The following CELF2 variants were observed in gnomAD, a reference collection of about 807,000 sequenced individuals.
CELF2 encodes the protein CUG triplet repeat RNA-binding protein 2.
Under a neutral mutation model 62.6 loss-of-function variants are expected in CELF2, and 8 were observed. The ratio of observed to expected loss-of-function variants is 0.13; its 90% CI spans 0.07 to 0.23. The LOEUF (loss-of-function observed/expected upper bound fraction) is 0.23, where lower values mean the gene tolerates loss of function less well. Ranked by LOEUF, CELF2 falls within the 10% of genes least tolerant of loss-of-function variation. The probability of loss-of-function intolerance (pLI) is 1.00; values close to 1 mark genes in which losing one functional copy is unlikely to be tolerated. For synonymous variants in CELF2, 258 were observed against 250.0 expected (o/e 1.03, Z -0.30); for missense variants, 333 against 671.0 (o/e 0.50, Z 5.56).
At chr10:10,955,976 C>A (rs780968687) in intron 2 of CELF2, among the ~76,000 whole-genome samples, 10 of 152,152 alleles carry the variant, frequency 6.6e-5, no homozygotes, top group Non-Finnish European at 1.3e-4. Context: ...TCGATCACTG[C>A]AAATCAAGTC....
rs1293586383 is a variant in CELF2, at chr10:11,145,101, CTGTT to C, written c.75-20380_75-20377del. Among the ~76,000 whole-genome samples the C allele has an allele frequency of 1.3e-5, 2 of 152,142 alleles. No individual in the cohort carries two copies. The highest frequency in any genetic ancestry group is 1.9e-4 in the East Asian group (1 of 5,196). ...CTGTAATGCAGTAGCCAAAGGTAATCTGTTTGTTATGTACTTTCCTTTATTATCC... is the reference window on the plus strand; with the variant it reads ...CTGTAATGCAGTAGCCAAAGGTAATCTGTTATGTACTTTCCTTTATTATCC... On this transcript the variant is annotated intron_variant, in intron 1 of 12. Transcript: ENST00000633077. The surrounding 1 kb of genome is among the most constrained non-coding windows in gnomAD (Gnocchi z 4.3).
the CELF2 span, among the ~76,000 whole-genome samples, chr10:10,583,124 C>G: frequency 6.6e-6 from 1 of 152,112 alleles, no homozygotes; most frequent in East Asian, 1.9e-4. Context: ...TATTCGAAGG[C>G]CTTGCAGTGC....
At chr10:11,005,094 G>C (rs1163231641), upstream of CELF2, 2 of 985,236 alleles carry the variant, frequency 2.0e-6, no homozygotes, top group Non-Finnish European at 2.4e-6. The surrounding 1 kb of genome is among the most constrained non-coding windows in gnomAD (Gnocchi z 4.3). Flanking sequence ...AGTGAATGCA[G>C]ACAAGACCCC....
At chr10:10,631,109 G>A in the CELF2 span, among the ~76,000 whole-genome samples, 2 of 152,084 alleles carry the variant, frequency 1.3e-5, no homozygotes, top group South Asian at 2.1e-4. Context: ...TCATTCAAAC[G>A]TACTGATCAT....
At chr10:10,805,224 A>C (rs1383883468) in intron 1 of CELF2, among the ~76,000 whole-genome samples, 2 of 152,200 alleles carry the variant, frequency 1.3e-5, no homozygotes, top group Non-Finnish European at 2.9e-5. Context: ...CACATACAAC[A>C]GGTGTGGAGC....
In CELF2 at chr10:11,145,162, A is replaced by G. The variant is rs539770206; in HGVS notation, c.75-20324A>G. On this transcript the variant is annotated intron_variant, in intron 1 of 12. Transcript: ENST00000633077. This position sits in a 1 kb window ranked among gnomAD's most constrained non-coding sequence, Gnocchi z 4.3. ...GTCCCACATTCTGGAAGCAAATGTT[A>G]TATTTACCATAATCCATGAAAGGAA... Among the ~76,000 whole-genome samples, 2 of 152,362 alleles carry G rather than the reference A, an allele frequency of 1.3e-5. No individual in the cohort carries two copies. The highest frequency in any genetic ancestry group is 4.8e-5 in the African/African-American group (2 of 41,578).
chr10:10,692,002 CT>C, the CELF2 span, among the ~76,000 whole-genome samples: 1 of 151,794 alleles, frequency 6.6e-6, no homozygotes, highest in Admixed American at 6.6e-5. Context: ...TGCAGAAGCT[CT>C]TTAGTTTAAT....
chr10:10,576,993 G>A, the CELF2 span, among the ~76,000 whole-genome samples: 1 of 152,168 alleles, frequency 6.6e-6, no homozygotes. Flanking sequence ...CAGCAAGAAG[G>A]AAAACACTAA....
chr10:11,049,696 A>G (rs1174162742), intron 1 of CELF2, among the ~76,000 whole-genome samples: 1 of 151,942 alleles, frequency 6.6e-6, no homozygotes, highest in African/African-American at 2.4e-5. Flanking sequence ...CCATAGAGAT[A>G]TGGTTACTCA....
At chr10:10,831,623 A>G (rs1005374886) in intron 1 of CELF2, among the ~76,000 whole-genome samples, 1 of 152,154 alleles carries the variant, frequency 6.6e-6, no homozygotes, top group Non-Finnish European at 1.5e-5. Flanking sequence ...TCCCAAATCA[A>G]TGTTCCCCTA....
intron 2 of CELF2, among the ~76,000 whole-genome samples, chr10:10,999,331 A>G (rs1428155435): frequency 6.6e-6 from 1 of 152,254 alleles, no homozygotes; most frequent in African/African-American, 2.4e-5. Flanking sequence ...CCCTGTTTTC[A>G]TGGAACTTAG....
intron 5 of CELF2, among the ~76,000 whole-genome samples, chr10:11,261,844 C>T (rs952892048): frequency 2.5e-4 from 38 of 152,206 alleles, no homozygotes; most frequent in African/African-American, 7.7e-4. Context: ...GAGGTGTTTG[C>T]TCTCAGAAGC....
Position 11,156,581 on chromosome 10 carries a change from G to A in CELF2, c.75-8905G>A, listed in dbSNP as rs2064450757. ...TCTAGAATATAACTCCGTGAAGACT[G>A]TTTTACCCCCACTTTAGTCATTGCG... On this transcript the variant is annotated intron_variant, in intron 1 of 12. Transcript: ENST00000633077. This position sits in a 1 kb window ranked among gnomAD's most constrained non-coding sequence, Gnocchi z 4.3. Among the ~76,000 whole-genome samples the A allele has an allele frequency of 6.6e-6, 1 of 152,134 alleles. No homozygotes were observed. Among genetic ancestry groups the A allele is most frequent in the Admixed American group, 6.5e-5 (1 of 15,284 alleles).
At chr10:10,722,900 A>G in the CELF2 span, among the ~76,000 whole-genome samples, 1 of 152,218 alleles carries the variant, frequency 6.6e-6, no homozygotes, top group African/African-American at 2.4e-5. Context: ...TGGGCAGGCT[A>G]AGAGATAATA....
chr10:10,794,061 G>GATGC (rs1180242031), upstream of CELF2, among the ~76,000 whole-genome samples: 2 of 152,084 alleles, frequency 1.3e-5, no homozygotes, highest in African/African-American at 2.4e-5. Flanking sequence ...TCTGAAATCT[G>GATGC]ATGCACACGG....
the CELF2 span, among the ~76,000 whole-genome samples, chr10:10,702,521 T>G: frequency 6.6e-6 from 1 of 152,172 alleles, no homozygotes; most frequent in Non-Finnish European, 1.5e-5. Context: ...AAACAAGCAT[T>G]TTAAGAATTC....
chr10:10,758,233 G>A, the CELF2 span, among the ~76,000 whole-genome samples: 8 of 152,196 alleles, frequency 5.3e-5, no homozygotes, highest in African/African-American at 1.9e-4. Context: ...GACTGCCGTC[G>A]TGGAAGGGCA....
Position 10,995,107 on chromosome 10 carries a change from T to G in CELF2, c.89+75108T>G, listed in dbSNP as rs1216090595. 6.6e-6 allele frequency among the ~76,000 whole-genome samples: 1 copy of G among 152,216 alleles called. No individual in the cohort carries two copies. The highest frequency in any genetic ancestry group is 1.5e-5 in the Non-Finnish European group (1 of 68,036). On this transcript the variant is annotated intron_variant, in intron 2 of 13. Coordinates refer to the CELF2 transcript ENST00000636488. The surrounding 1 kb of genome is among the most constrained non-coding windows in gnomAD (Gnocchi z 4.7). ...TTATTCTTTGTTTCCCAAATTAAGC[T>G]GTGTCTTTCTAACTTGGTTATAAGT...
At chr10:11,310,997 A>G (rs1321384970) in intron 9 of CELF2, among the ~76,000 whole-genome samples, 1 of 152,196 alleles carries the variant, frequency 6.6e-6, no homozygotes, top group East Asian at 1.9e-4. Flanking sequence ...AATAAATTCT[A>G]ATAACTGTTC....
Sources: allele counts gnomAD v4.1 joint callset (sites outside exome capture counted in the v4.1 genomes callset), GRCh38; gene constraint gnomAD v4.1.1; non-coding constraint Gnocchi (gnomAD v3.1); transcripts MANE v1.5; gene names NCBI Gene and HGNC (gene_info 2026-07-23, HGNC 2026-07-21).